Variants in PRKG1 observed in about 807,000 individuals in gnomAD.
The protein encoded by PRKG1 is cGMP-dependent protein kinase 1.
PRKG1 carries 35 observed loss-of-function variants against 88.1 expected under a neutral mutation model. The ratio of observed to expected loss-of-function variants is 0.40; its 90% CI spans 0.30 to 0.53. The LOEUF (loss-of-function observed/expected upper bound fraction) is 0.53, where lower values mean the gene tolerates loss of function less well. PRKG1 is among the 20% of genes least tolerant of loss of function. The pLI is 0.59. For synonymous variants in PRKG1, 303 were observed against 292.5 expected (o/e 1.04, Z -0.37); for missense variants, 540 against 839.8 (o/e 0.64, Z 4.41).
intron 3 of PRKG1, among the ~76,000 whole-genome samples, chr10:51,522,346 T>G (rs10997909): frequency 0.25 from 37,662 of 152,118 alleles, 4,981 homozygotes; most frequent in Admixed American, 0.32. Context: ...AATCATAAAA[T>G]AGCAGAGAAA....
intron 9 of PRKG1, among the ~76,000 whole-genome samples, chr10:52,218,810 C>A (rs553428177): frequency 6.6e-6 from 1 of 152,002 alleles, no homozygotes; most frequent in African/African-American, 2.4e-5. Context: ...CAGGGCCTCC[C>A]ATGAAATGAA....
At chr10:51,426,046 C>T (rs184901890) in intron 2 of PRKG1, among the ~76,000 whole-genome samples, 3,688 of 152,208 alleles carry the variant, frequency 0.024, 105 homozygotes, top group Middle Eastern at 0.058. Flanking sequence ...GAGGCCGAGG[C>T]GGGCGGATCA....
intron 3 of PRKG1, among the ~76,000 whole-genome samples, chr10:51,594,903 G>A (rs1268513592): frequency 1.3e-5 from 2 of 152,086 alleles, no homozygotes; most frequent in Non-Finnish European, 2.9e-5. Flanking sequence ...GCATAGGCTG[G>A]GGAATTATAA....
chr10:51,157,660 A>G (rs535276515), intron 2 of PRKG1, among the ~76,000 whole-genome samples: 5 of 151,840 alleles, frequency 3.3e-5, no homozygotes, highest in Non-Finnish European at 7.4e-5. Context: ...TGATTTGCTT[A>G]GAGATATTGG....
intron 3 of PRKG1, among the ~76,000 whole-genome samples, chr10:51,595,046 G>A (rs1838408550): frequency 6.6e-6 from 1 of 152,116 alleles, no homozygotes; most frequent in East Asian, 1.9e-4. Context: ...GATCCCATTG[G>A]TGATATAAAT....
At chr10:51,381,193 G>T (rs1588898255) in intron 2 of PRKG1, among the ~76,000 whole-genome samples, 1 of 133,578 alleles carries the variant, frequency 7.5e-6, no homozygotes, top group Non-Finnish European at 1.5e-5. Context: ...GGAGGTGGAG[G>T]TTTCAGTGAG....
chr10:51,476,631 C>T (rs558050441), intron 3 of PRKG1, among the ~76,000 whole-genome samples: 7 of 151,774 alleles, frequency 4.6e-5, no homozygotes, highest in Admixed American at 3.3e-4. Flanking sequence ...TGCTTTATTT[C>T]TAAAGTAAAA....
chr10:52,110,651 G>A (rs1409543920), intron 7 of PRKG1, among the ~76,000 whole-genome samples: 2 of 152,134 alleles, frequency 1.3e-5, no homozygotes, highest in Admixed American at 1.3e-4. Flanking sequence ...ATAGTTTAGA[G>A]CTATGCTTCC....
At chr10:51,666,972 A>G (rs911605520) in intron 3 of PRKG1, among the ~76,000 whole-genome samples, 11 of 151,576 alleles carry the variant, frequency 7.3e-5, no homozygotes, top group African/African-American at 2.7e-4. Flanking sequence ...TTTTTTTTGT[A>G]TTTTTAGTAG....
chr10:51,624,341 G>A (rs1384150997), intron 3 of PRKG1, among the ~76,000 whole-genome samples: 5 of 152,202 alleles, frequency 3.3e-5, no homozygotes, highest in Admixed American at 2.0e-4. Flanking sequence ...GAGTAAGGAA[G>A]CTGCTCAATT....
At chr10:51,318,907 T>C (rs927987495) in intron 2 of PRKG1, among the ~76,000 whole-genome samples, 1 of 152,214 alleles carries the variant, frequency 6.6e-6, no homozygotes, top group East Asian at 1.9e-4. Context: ...CTGATTTGCT[T>C]TCATTTTGTC....
chr10:52,034,772 A>C (rs10823991), intron 5 of PRKG1, among the ~76,000 whole-genome samples: 1 of 151,640 alleles, frequency 6.6e-6, no homozygotes, highest in Non-Finnish European at 1.5e-5. Context: ...GATAGTAGGG[A>C]TGACAAGTTT....
At chr10:51,749,511 A>G (rs1415797312) in intron 3 of PRKG1, among the ~76,000 whole-genome samples, 1 of 151,704 alleles carries the variant, frequency 6.6e-6, no homozygotes, top group Admixed American at 6.6e-5. Context: ...TCAGATTATG[A>G]CCCCTCCATT....
In PRKG1 at chr10:51,015,201, G is replaced by A. The variant is rs72634649; in HGVS notation, c.266+23557G>A. ...AGTCCAATAATGCCTTTACTGAATT[G>A]TGAAAGAATGTCCAGACGCAGTTAA... is the stretch of plus-strand genomic sequence containing the variant. On this transcript the variant is annotated intron_variant, in intron 1 of 17. Transcript: ENST00000401604. 3.1e-4 allele frequency among the ~76,000 whole-genome samples: 47 copies of A among 152,298 alleles called. 1 individual carries two copies. The East Asian group carries it at 9.1e-3, about 29-fold the overall frequency.
intron 2 of PRKG1, among the ~76,000 whole-genome samples, chr10:51,338,596 C>T (rs978964674): frequency 6.6e-6 from 1 of 151,990 alleles, no homozygotes; most frequent in African/African-American, 2.4e-5. Flanking sequence ...GAAGCATCTC[C>T]CTGGATTGTG....
chr10:51,525,804 A>G (rs959853813), intron 3 of PRKG1, among the ~76,000 whole-genome samples: 4 of 152,096 alleles, frequency 2.6e-5, no homozygotes, highest in African/African-American at 9.7e-5. Context: ...GTACTATCCA[A>G]GTAGAGTAGC....
chr10:51,493,937 T>G (rs1840779108), intron 3 of PRKG1, among the ~76,000 whole-genome samples: 1 of 152,226 alleles, frequency 6.6e-6, no homozygotes. Flanking sequence ...GATTTCAGGT[T>G]CTTAGGCATG....
intron 2 of PRKG1, among the ~76,000 whole-genome samples, chr10:51,209,122 T>C (rs557831435): frequency 6.6e-6 from 1 of 152,284 alleles, no homozygotes; most frequent in African/African-American, 2.4e-5. Flanking sequence ...TTTCTGTGTT[T>C]ATGTGGAAGA....
At chr10:52,172,024 G>A (rs377738645) in intron 9 of PRKG1, among the ~76,000 whole-genome samples, 2,250 of 150,498 alleles carry the variant, frequency 0.015, 43 homozygotes, top group African/African-American at 0.051. Flanking sequence ...GGATGGTCTC[G>A]ATCTCCTGAC....
Sources: gnomAD v4.1 joint callset for allele counts (sites outside exome capture counted in the v4.1 genomes callset) on GRCh38, gnomAD v4.1.1 for gene constraint, MANE v1.5 for transcripts, NCBI Gene and HGNC (gene_info 2026-07-23, HGNC 2026-07-21) for gene names.